ARHGEF10: variants seen among roughly 807,000 people sequenced by gnomAD.
ARHGEF10 encodes the protein Rho guanine nucleotide exchange factor 10, also known as Rho guanine nucleotide exchange factor (GEF) 10.
Under a neutral mutation model 147.4 loss-of-function variants are expected in ARHGEF10, and 140 were observed. The observed-to-expected ratio is 0.95, with a 90% CI of 0.83 to 1.09. The LOEUF (loss-of-function observed/expected upper bound fraction) is 1.09. ARHGEF10 is among the 50% of genes least tolerant of loss of function. ARHGEF10 has a pLI of 0.00. For missense variants in ARHGEF10, 2,222 were observed against 1,752.7 expected (o/e 1.27, Z -4.78); for synonymous variants, 902 against 695.8 (o/e 1.30, Z -4.67).
Position 1,850,816 on chromosome 8 carries a change from G to T in ARHGEF10, c.38-7144G>T, listed in dbSNP as rs552734007. ...GCAGCCATGATGTCCTTCAGGAGGT[G>T]AATGGATGGATAAACTGGGGCCCAT... On this transcript the variant is annotated intron_variant, in intron 2 of 28. Transcript: ENST00000349830. Among the ~76,000 whole-genome samples the T allele has an allele frequency of 3.3e-5, 5 of 152,306 alleles. No homozygotes were observed. In the South Asian group the frequency reaches 1.0e-3, roughly 32 times the overall value.
In ARHGEF10 at chr8:1,853,908, G is replaced by C. The variant is rs114118432; in HGVS notation, c.38-4052G>C. ...AGGACACTGCCACACTGGGTTAGCC[G>C]AGCCTGCTCTAGCACAGCCTCCTGT... On this transcript the variant is annotated intron_variant, in intron 2 of 28. Coordinates refer to ENST00000349830, the MANE Select transcript of ARHGEF10 (RefSeq NM_014629.4). Among the ~76,000 whole-genome samples, 734 of 152,282 alleles carry C rather than the reference G, an allele frequency of 4.8e-3. 3 individuals carry two copies. The highest frequency in any genetic ancestry group is 0.017 in the African/African-American group (689 of 41,562).
At chr8:1,901,185 CAG>C (rs1386882182) in intron 15 of ARHGEF10, among the ~76,000 whole-genome samples, 17 of 152,192 alleles carry the variant, frequency 1.1e-4, no homozygotes, top group Admixed American at 8.5e-4. Context: ...AGACAGGCTG[CAG>C]AGAGTCAGCA....
At chr8:1,897,593 C>T (rs1810104328) in intron 14 of ARHGEF10, among the ~76,000 whole-genome samples, 1 of 151,420 alleles carries the variant, frequency 6.6e-6, no homozygotes, top group Non-Finnish European at 1.5e-5. Flanking sequence ...TCGCAGTTCC[C>T]ACTCTCGACA....
At chr8:1,864,731 T>C (rs1050008352) in intron 5 of ARHGEF10, among the ~76,000 whole-genome samples, 4 of 152,218 alleles carry the variant, frequency 2.6e-5, no homozygotes, top group Non-Finnish European at 1.5e-5. Context: ...TTTTCTCCTT[T>C]CTATCATGAA....
Position 1,957,307 on chromosome 8 carries a change from G to A in ARHGEF10, c.*44G>A, listed in dbSNP as rs778737385. The A allele has an allele frequency of 6.3e-6, 10 of 1,587,958 alleles. No individual in the cohort carries two copies. The African/African-American group carries it at 1.3e-4, about 21-fold the overall frequency. On this transcript the variant is annotated 3_prime_UTR_variant, in exon 29 of 29. Transcript: ENST00000349830. ...GCTGTCAGAATTTGCAATCAAGGGTGACTTCTCAGCTAATCCTACAGCCTG... is the reference window on the plus strand; with the variant it reads ...GCTGTCAGAATTTGCAATCAAGGGTAACTTCTCAGCTAATCCTACAGCCTG...
At chr8:1,923,701 C>A in intron 20 of ARHGEF10, 73 bp from the exon 21 acceptor site, 4 of 1,612,162 alleles carry the variant, frequency 2.5e-6, no homozygotes, top group Non-Finnish European at 3.4e-6. Flanking sequence ...ATCAGACAGG[C>A]AAAATGTGTA....
intron 3 of ARHGEF10, 138 bp downstream of exon 3, chr8:1,858,253 T>C: frequency 1.3e-6 from 1 of 749,172 alleles, no homozygotes; most frequent in East Asian, 2.7e-5. Context: ...CCCAGGTGAG[T>C]CCCCTGGGGG....
chr8:1,920,469 C>T (rs147968979), intron 18 of ARHGEF10, among the ~76,000 whole-genome samples: 22 of 150,864 alleles, frequency 1.5e-4, no homozygotes, highest in South Asian at 6.4e-4. Flanking sequence ...ACTACAGGCG[C>T]GCATCACAAT....
intron 18 of ARHGEF10, among the ~76,000 whole-genome samples, chr8:1,916,557 G>A (rs1234990628): frequency 6.6e-6 from 1 of 152,172 alleles, no homozygotes; most frequent in Non-Finnish European, 1.5e-5. Context: ...GCACCTGGGA[G>A]TCTCCTAGGC....
At chr8:1,841,814 C>T (rs1195901418) in intron 1 of ARHGEF10, among the ~76,000 whole-genome samples, 1 of 110,372 alleles carries the variant, frequency 9.1e-6, no homozygotes, top group Non-Finnish European at 2.1e-5. Flanking sequence ...GAACTGGGGC[C>T]GCGGCGGGAA....
chr8:1,889,906 CTT>C (rs1809303654), intron 11 of ARHGEF10, among the ~76,000 whole-genome samples: 7 of 100,222 alleles, frequency 7.0e-5, no homozygotes, highest in African/African-American at 2.6e-4. Context: ...ATGGGGTGAA[CTT>C]TGTTAGGAGG....
chr8:1,940,057 T>C (rs1446430588), intron 26 of ARHGEF10, among the ~76,000 whole-genome samples: 1 of 151,948 alleles, frequency 6.6e-6, no homozygotes, highest in Non-Finnish European at 1.5e-5. Flanking sequence ...ACAAAGGAGG[T>C]TGCGCTGGGT....
chr8:1,905,817 C>A (rs1810846478), intron 17 of ARHGEF10, 101 bp downstream of exon 17: 1 of 1,501,004 alleles, frequency 6.7e-7, no homozygotes, highest in East Asian at 2.3e-5. Context: ...TCAGACTGAA[C>A]TGGTTTTTTG....
At chr8:1,919,620 A>G (rs959850640) in intron 18 of ARHGEF10, among the ~76,000 whole-genome samples, 1 of 133,572 alleles carries the variant, frequency 7.5e-6, no homozygotes, top group African/African-American at 2.9e-5. Context: ...CTGTTCTGTC[A>G]AGTGACAGAG....
intron 10 of ARHGEF10, 41 bp downstream of exon 10, chr8:1,882,790 T>G (rs1451398847): frequency 5.1e-4 from 508 of 996,694 alleles, no homozygotes; most frequent in Non-Finnish European, 6.6e-4. Context: ...GACACGGGGT[T>G]GGGGGGGGCG....
At chr8:1,914,520 G>T (rs754097848) in intron 18 of ARHGEF10, among the ~76,000 whole-genome samples, 9 of 152,256 alleles carry the variant, frequency 5.9e-5, no homozygotes, top group African/African-American at 2.2e-4. Context: ...GGCGGCAAGG[G>T]TCACTGTTCT....
At chr8:1,953,325 C>T (rs1434331889) in intron 28 of ARHGEF10, among the ~76,000 whole-genome samples, 2 of 66,002 alleles carry the variant, frequency 3.0e-5, no homozygotes, top group African/African-American at 1.2e-4. Flanking sequence ...CCGGGATCTC[C>T]GTCGTTCCTT....
At chr8:1,861,860 A>T (rs1806161780) in intron 4 of ARHGEF10, among the ~76,000 whole-genome samples, 1 of 152,234 alleles carries the variant, frequency 6.6e-6, no homozygotes, top group Non-Finnish European at 1.5e-5. Flanking sequence ...GAAGGAAAAT[A>T]CGTTTGTTTT....
At chr8:1,833,518 A>G (rs1803397012) in intron 1 of ARHGEF10, among the ~76,000 whole-genome samples, 2 of 152,186 alleles carry the variant, frequency 1.3e-5, no homozygotes, top group Admixed American at 1.3e-4. Context: ...CTGCCACTGC[A>G]TCCGCCCCAA....
Sources: gnomAD v4.1 joint callset for allele counts (sites outside exome capture counted in the v4.1 genomes callset) on GRCh38, gnomAD v4.1.1 for gene constraint, MANE v1.5 for transcripts, NCBI Gene and HGNC (gene_info 2026-07-23, HGNC 2026-07-21) for gene names.